The following RASAL2 variants were observed in gnomAD, a reference collection of about 807,000 sequenced individuals.
RASAL2 encodes RAS protein activator like 2, also known as ras GTPase-activating protein nGAP.
In RASAL2, 58 loss-of-function variants were observed where a neutral mutation model predicts 128.9. The observed-to-expected ratio is 0.45, with a 90% CI of 0.36 to 0.56. The LOEUF (loss-of-function observed/expected upper bound fraction) is 0.56. Ranked by LOEUF, RASAL2 falls within the 20% of genes least tolerant of loss-of-function variation. The probability of loss-of-function intolerance (pLI) is 0.00; values close to 1 mark genes in which losing one functional copy is unlikely to be tolerated. For missense variants in RASAL2, 1,360 were observed against 1,601.6 expected (o/e 0.85, Z 2.57); for synonymous variants, 561 against 580.8 (o/e 0.97, Z 0.49).
chr1:178,351,820 C>T (rs1670526779), intron 3 of RASAL2, among the ~76,000 whole-genome samples: 1 of 152,144 alleles, frequency 6.6e-6, no homozygotes, highest in African/African-American at 2.4e-5. Context: ...CTACAGGCCC[C>T]ATACAAGTCT....
chr1:178,101,250 A>T (rs1658886302), intron 1 of RASAL2, among the ~76,000 whole-genome samples: 1 of 152,194 alleles, frequency 6.6e-6, no homozygotes, highest in Non-Finnish European at 1.5e-5. Context: ...CATTTGCTAG[A>T]CTATGATACA....
At chr1:178,371,247 T>A (rs983026812) in intron 3 of RASAL2, among the ~76,000 whole-genome samples, 1 of 151,590 alleles carries the variant, frequency 6.6e-6, no homozygotes, top group South Asian at 2.1e-4. Context: ...TGCAGAACAG[T>A]CATTCTCTAT....
chr1:178,457,610 T>A, intron 13 of RASAL2, 73 bp from the exon 14 acceptor site: 1 of 1,506,184 alleles, frequency 6.6e-7, no homozygotes, highest in Non-Finnish European at 9.0e-7. Flanking sequence ...GGAGTTCATA[T>A]GCCTGAATTG....
At chr1:178,311,392 T>C (rs867497479) in intron 3 of RASAL2, among the ~76,000 whole-genome samples, 35 of 152,118 alleles carry the variant, frequency 2.3e-4, no homozygotes, top group African/African-American at 8.4e-4. Context: ...AGCTGACCTT[T>C]ACCACAGAAT....
chr1:178,246,697 G>C (rs1190168242), intron 1 of RASAL2, among the ~76,000 whole-genome samples: 1 of 152,136 alleles, frequency 6.6e-6, no homozygotes, highest in Admixed American at 6.5e-5. Flanking sequence ...GATATTGGCT[G>C]TGGGTTTGTC....
At chr1:178,375,452 G>A (rs998025840) in intron 3 of RASAL2, among the ~76,000 whole-genome samples, 1 of 152,158 alleles carries the variant, frequency 6.6e-6, no homozygotes, top group Non-Finnish European at 1.5e-5. Context: ...GAAGAGGCTA[G>A]AAGCAGTTAA....
chr1:178,223,545 G>A (rs983468766), intron 1 of RASAL2, among the ~76,000 whole-genome samples: 2 of 152,286 alleles, frequency 1.3e-5, no homozygotes, highest in Non-Finnish European at 1.5e-5. Flanking sequence ...AGGGTAGAGT[G>A]GGTATGAGTA....
intron 4 of RASAL2, among the ~76,000 whole-genome samples, chr1:178,413,999 A>C (rs1283306410): frequency 6.6e-6 from 1 of 152,176 alleles, no homozygotes; most frequent in African/African-American, 2.4e-5. Context: ...AAAAAACAAA[A>C]ACAGAACAGA....
In RASAL2 at chr1:178,464,843, T is replaced by G. The variant is rs1194292114; in HGVS notation, c.3387+431T>G. Among the ~76,000 whole-genome samples the G allele has an allele frequency of 6.8e-5, 10 of 147,178 alleles. 1 individual carries two copies. Among genetic ancestry groups the G allele is most frequent in the South Asian group, 4.3e-4 (2 of 4,654 alleles). ...TTTGGTTTTAGTTGTTTTTTTTTTTTTTTTTTTTTTTTTGCCTTTTCTGGA... is the reference window on the plus strand; with the variant it reads ...TTTGGTTTTAGTTGTTTTTTTTTTTGTTTTTTTTTTTTTGCCTTTTCTGGA... On this transcript the variant is annotated intron_variant, in intron 15 of 17. Coordinates refer to ENST00000367649, the MANE Select transcript of RASAL2 (RefSeq NM_170692.4).
chr1:178,415,087 T>C (rs1674669442), intron 4 of RASAL2, among the ~76,000 whole-genome samples: 1 of 152,146 alleles, frequency 6.6e-6, no homozygotes, highest in South Asian at 2.1e-4. Context: ...TCTGCACTAA[T>C]TTTTATTTCT....
intron 1 of RASAL2, among the ~76,000 whole-genome samples, chr1:178,273,804 G>A (rs565487893): frequency 6.6e-6 from 1 of 152,264 alleles, no homozygotes; most frequent in South Asian, 2.1e-4. Flanking sequence ...GCTTCTTACT[G>A]CTTTATAGCC....
At chr1:178,224,668 C>T (rs1663728483) in intron 1 of RASAL2, among the ~76,000 whole-genome samples, 1 of 152,104 alleles carries the variant, frequency 6.6e-6, no homozygotes, top group Admixed American at 6.5e-5. Flanking sequence ...CTAGAACTCT[C>T]TTTGTTAACC....
At chr1:178,170,270 A>T (rs1661662940) in intron 1 of RASAL2, among the ~76,000 whole-genome samples, 2 of 151,902 alleles carry the variant, frequency 1.3e-5, no homozygotes, top group Admixed American at 1.3e-4. Context: ...ATTTATAAAG[A>T]TACAGCAAAT....
At chr1:178,325,301 A>G (rs760778543) in intron 3 of RASAL2, among the ~76,000 whole-genome samples, 2 of 152,228 alleles carry the variant, frequency 1.3e-5, no homozygotes, top group Admixed American at 6.5e-5. Flanking sequence ...AGTGAATTAG[A>G]AAGAGAACTA....
At chr1:178,455,772 A>G (rs1436769810) in intron 12 of RASAL2, among the ~76,000 whole-genome samples, 1 of 152,330 alleles carries the variant, frequency 6.6e-6, no homozygotes, top group African/African-American at 2.4e-5. Context: ...TGAGAAGGCA[A>G]AGACCCAAAG....
At chr1:178,282,335 A>T (rs1024590809) in intron 1 of RASAL2, among the ~76,000 whole-genome samples, 1 of 152,204 alleles carries the variant, frequency 6.6e-6, no homozygotes, top group African/African-American at 2.4e-5. Flanking sequence ...TATTGAACAC[A>T]TAAAGGGATT....
intron 9 of RASAL2, among the ~76,000 whole-genome samples, chr1:178,446,347 C>A (rs938925465): frequency 6.6e-6 from 1 of 152,110 alleles, no homozygotes; most frequent in Admixed American, 6.5e-5. Context: ...GCAGCACTGT[C>A]CGATAGAAAT....
chr1:178,120,282 T>A (rs907711318), intron 1 of RASAL2, among the ~76,000 whole-genome samples: 1 of 152,186 alleles, frequency 6.6e-6, no homozygotes, highest in Non-Finnish European at 1.5e-5. Context: ...AGTGTAGATT[T>A]CTTTTTGTTG....
rs1039714965 is a variant in RASAL2, at chr1:178,318,417, T to C, written c.457+18299T>C. The stretch of plus-strand genomic sequence containing the variant: ...GTGTTAAAGTCTCCCATTATTAATG[T>C]GTGGGAGTCTAAATCTCTTTGTAAG... On this transcript the variant is annotated intron_variant, in intron 3 of 17. Transcript: ENST00000367649. Among the ~76,000 whole-genome samples the C allele has an allele frequency of 1.7e-3, 258 of 152,148 alleles. 1 individual carries two copies. The highest frequency in any genetic ancestry group is 5.3e-3 in the African/African-American group (221 of 41,508).
Sources: allele counts gnomAD v4.1 joint callset (sites outside exome capture counted in the v4.1 genomes callset), GRCh38; gene constraint gnomAD v4.1.1; transcripts MANE v1.5; gene names NCBI Gene and HGNC (gene_info 2026-07-23, HGNC 2026-07-21).